Variants in CBFB observed in about 807,000 individuals in gnomAD.
CBFB encodes CBF-beta.
CBFB carries 9 observed loss-of-function variants against 30.4 expected under a neutral mutation model. The observed-to-expected ratio is 0.30, with a 90% CI of 0.18 to 0.52. The LOEUF is 0.52. Among genes scored for constraint, CBFB ranks in the 20% least tolerant of loss-of-function variants. CBFB has a pLI of 0.97. For synonymous variants in CBFB, 94 were observed against 84.0 expected, an observed-to-expected ratio of 1.12 and a Z score of -0.65; for missense variants, 170 against 244.0, an observed-to-expected ratio of 0.70 and a Z score of 2.02.
chr16:67,085,497 T>TG (rs1961698509), intron 5 of CBFB, among the ~76,000 whole-genome samples: 1 of 1,036 alleles, frequency 9.7e-4, no homozygotes, highest in East Asian at 0.056. Flanking sequence ...ATCTTTTTTT[T>TG]GGGTGGGGGT....
chr16:67,065,708 T>C (rs1961031498), intron 3 of CBFB, among the ~76,000 whole-genome samples: 1 of 152,116 alleles, frequency 6.6e-6, no homozygotes, highest in African/African-American at 2.4e-5. Flanking sequence ...TGTTATAGTA[T>C]TTAAGAATTT....
At position 67,053,248 on chromosome 16, in the gene CBFB, CTT is replaced by C. The variant is rs576629599; in HGVS notation, c.283-13414_283-13413del. 4.2e-3 allele frequency among the ~76,000 whole-genome samples: 514 copies of C among 122,720 alleles called. 6 individuals are homozygous for C. Among genetic ancestry groups the C allele is most frequent in the African/African-American group, 0.015 (467 of 31,614 alleles). The allele number at this position is 122,720 out of a possible 152,430, so 80.5% of individuals were successfully genotyped here. A position where few individuals can be genotyped will look rare whatever the true frequency, so the allele number is the denominator to read the frequency against. ...AACGGACTCTAATGTCACTTTCTCT[CTT>C]TTTTTTTTTTTTTTTTTTTGGTGAG... is the stretch of plus-strand genomic sequence containing the variant. On this transcript the variant is annotated intron_variant, in intron 3 of 5. Transcript: ENST00000412916.
intron 4 of CBFB, among the ~76,000 whole-genome samples, chr16:67,074,587 T>G: frequency 6.6e-6 from 1 of 152,066 alleles, no homozygotes; most frequent in East Asian, 1.9e-4. Flanking sequence ...TTCACCATGT[T>G]GGCCACGCTG....
intron 3 of CBFB, among the ~76,000 whole-genome samples, chr16:67,041,556 C>T (rs189942898): frequency 6.6e-5 from 10 of 151,776 alleles, no homozygotes; most frequent in South Asian, 2.1e-4. Flanking sequence ...GAGCTGAGAT[C>T]GTGCCACTGC....
In CBFB at chr16:67,070,100, A is replaced by G. The variant is rs539154382; in HGVS notation, c.399+3302A>G. 6.0e-5 allele frequency among the ~76,000 whole-genome samples: 9 copies of G among 150,440 alleles called. No homozygotes were observed. The South Asian group carries it at 1.9e-3, about 31-fold the overall frequency. ...AGTTAAAATAATAACAGGAACATAA[A>G]GAAACTCTTTGTTTCTTTGTTGTAT... On this transcript the variant is annotated intron_variant, in intron 4 of 5. Transcript: ENST00000412916.
At chr16:67,054,956 CAG>C (rs1960671888) in intron 3 of CBFB, among the ~76,000 whole-genome samples, 1 of 149,260 alleles carries the variant, frequency 6.7e-6, no homozygotes, top group African/African-American at 2.5e-5. Context: ...TTAGTAGAGA[CAG>C]GGTTTCACCA....
chr16:67,089,267 T>C (rs1273134340), intron 5 of CBFB, among the ~76,000 whole-genome samples: 1 of 152,216 alleles, frequency 6.6e-6, no homozygotes, highest in Admixed American at 6.5e-5. Flanking sequence ...AATATCTTAC[T>C]CTCTGGGTAT....
intron 5 of CBFB, among the ~76,000 whole-genome samples, chr16:67,097,610 A>G (rs1962091491): frequency 1.3e-5 from 2 of 151,348 alleles, no homozygotes; most frequent in African/African-American, 2.4e-5. Flanking sequence ...TTATATTTCT[A>G]TTTTTAACAT....
At chr16:67,075,492 T>G (rs902145890) in intron 4 of CBFB, among the ~76,000 whole-genome samples, 3 of 152,022 alleles carry the variant, frequency 2.0e-5, no homozygotes, top group African/African-American at 7.2e-5. Flanking sequence ...GTGTTGGTTA[T>G]GTAAGATTGG....
At chr16:67,065,090 G>T (rs931481954) in intron 3 of CBFB, among the ~76,000 whole-genome samples, 1 of 152,072 alleles carries the variant, frequency 6.6e-6, no homozygotes, top group Admixed American at 6.6e-5. Flanking sequence ...GTAGAGATGG[G>T]GTTTTGCCAT....
intron 4 of CBFB, among the ~76,000 whole-genome samples, chr16:67,070,286 C>T (rs1806435): frequency 0.048 from 7,381 of 152,252 alleles, 523 homozygotes; most frequent in African/African-American, 0.15. Flanking sequence ...TGCCTGTAGT[C>T]CTAGCTACTT....
chr16:67,035,519 A>G (rs1215382919), intron 2 of CBFB, among the ~76,000 whole-genome samples: 1 of 152,366 alleles, frequency 6.6e-6, no homozygotes, highest in East Asian at 1.9e-4. Flanking sequence ...TTTAGCATTT[A>G]GGTTGACAAG....
chr16:67,061,770 A>G (rs986704183), intron 3 of CBFB, among the ~76,000 whole-genome samples: 5 of 152,128 alleles, frequency 3.3e-5, no homozygotes, highest in African/African-American at 1.2e-4. Context: ...GGTGACTCAC[A>G]CTTGTAATCC....
At chr16:67,093,265 C>CA (rs1398254872) in intron 5 of CBFB, 5 of 150,290 alleles carry the variant, frequency 3.3e-5, no homozygotes, top group African/African-American at 1.2e-4. Context: ...AGCCAAGTAT[C>CA]AAACAAAAAG....
intron 3 of CBFB, among the ~76,000 whole-genome samples, chr16:67,048,503 G>T (rs995443814): frequency 6.6e-6 from 1 of 152,118 alleles, no homozygotes; most frequent in Non-Finnish European, 1.5e-5. Flanking sequence ...GTTAAAAATT[G>T]AAACGAAAGT....
chr16:67,034,459 T>A (rs1327373648), intron 2 of CBFB, among the ~76,000 whole-genome samples: 1 of 152,248 alleles, frequency 6.6e-6, no homozygotes. Context: ...ATTAATATTT[T>A]GGAACAGACT....
intron 3 of CBFB, among the ~76,000 whole-genome samples, chr16:67,051,944 C>CACAT (rs1960562285): frequency 6.7e-6 from 1 of 148,274 alleles, no homozygotes. Context: ...CACACACACA[C>CACAT]GCATACATAT....
At chr16:67,079,515 CTTTTTTTTTTT>C (rs34164177) in intron 4 of CBFB, among the ~76,000 whole-genome samples, 3 of 98,664 alleles carry the variant, frequency 3.0e-5, no homozygotes, top group Non-Finnish European at 6.0e-5. Context: ...GGCCCTGGGT[CTTTTTTTTTTT>C]TTTTTTTTTT....
chr16:67,066,410 A>AAAAAAAAAAAAAAAAAAT, intron 3 of CBFB, among the ~76,000 whole-genome samples: 1 of 150,330 alleles, frequency 6.7e-6, no homozygotes, highest in African/African-American at 2.5e-5. Flanking sequence ...AAAAAAAAAA[A>AAAAAAAAAAAAAAAAAAT]TTAGCCAGGC....
Sources: allele counts gnomAD v4.1 joint callset (sites outside exome capture counted in the v4.1 genomes callset), GRCh38; gene constraint gnomAD v4.1.1; transcripts MANE v1.5; gene names NCBI Gene and HGNC (gene_info 2026-07-23, HGNC 2026-07-21).